PARD3B: variants seen among roughly 807,000 people sequenced by gnomAD.
PARD3B encodes par-3 family cell polarity regulator beta, also known as partitioning defective 3 homolog B.
Under a neutral mutation model 130.2 loss-of-function variants are expected in PARD3B, and 103 were observed. The observed-to-expected ratio is 0.79, with a 90% CI of 0.67 to 0.93. The LOEUF is 0.93. PARD3B is among the 40% of genes least tolerant of loss of function. PARD3B has a pLI of 0.00. For synonymous variants in PARD3B, 583 were observed against 553.2 expected (o/e 1.05, Z -0.76); for missense variants, 1,609 against 1,499.2 (o/e 1.07, Z -1.21).
intron 13 of PARD3B, among the ~76,000 whole-genome samples, chr2:205,184,773 C>T (rs1177836331): frequency 2.0e-5 from 3 of 151,346 alleles, no homozygotes; most frequent in South Asian, 4.2e-4. Context: ...TATATACACA[C>T]ACACACACAT....
intron 2 of PARD3B, among the ~76,000 whole-genome samples, chr2:204,850,807 T>C (rs148113469): frequency 6.6e-6 from 1 of 152,344 alleles, no homozygotes; most frequent in East Asian, 1.9e-4. Context: ...GTATCTTTTA[T>C]GTTTTTGCAT....
At chr2:204,676,719 G>C (rs2036565555) in intron 1 of PARD3B, among the ~76,000 whole-genome samples, 1 of 148,504 alleles carries the variant, frequency 6.7e-6, no homozygotes, top group Non-Finnish European at 1.5e-5. Flanking sequence ...ACCCAGGCTG[G>C]AGTGCAGTGG....
chr2:204,983,848 A>T (rs1215197294), intron 3 of PARD3B, among the ~76,000 whole-genome samples: 1 of 152,186 alleles, frequency 6.6e-6, no homozygotes, highest in African/African-American at 2.4e-5. Context: ...TATTTGTCCA[A>T]TTCAGTATAT....
chr2:205,475,095 G>A (rs114285747), intron 20 of PARD3B, among the ~76,000 whole-genome samples: 33 of 152,182 alleles, frequency 2.2e-4, no homozygotes, highest in African/African-American at 6.7e-4. Flanking sequence ...GAATGATTAT[G>A]CACCCAGGTC....
At chr2:204,671,451 GAT>G (rs1300264237) in intron 1 of PARD3B, among the ~76,000 whole-genome samples, 1 of 152,118 alleles carries the variant, frequency 6.6e-6, no homozygotes, top group Non-Finnish European at 1.5e-5. Context: ...TACTTTTCAT[GAT>G]ACCTGGGGTC....
At chr2:204,795,683 A>C (rs981775480) in intron 2 of PARD3B, among the ~76,000 whole-genome samples, 1 of 152,218 alleles carries the variant, frequency 6.6e-6, no homozygotes, top group African/African-American at 2.4e-5. Context: ...TGAGCCTGCC[A>C]AGCAACACAT....
intron 19 of PARD3B, among the ~76,000 whole-genome samples, chr2:205,436,556 T>C (rs1451965036): frequency 6.6e-6 from 1 of 152,146 alleles, no homozygotes; most frequent in African/African-American, 2.4e-5. Context: ...ATTAAATTTA[T>C]ATTATCTTCT....
intron 18 of PARD3B, among the ~76,000 whole-genome samples, chr2:205,308,301 G>C (rs2042252006): frequency 6.6e-6 from 1 of 151,984 alleles, no homozygotes; most frequent in South Asian, 2.1e-4. Flanking sequence ...AGTTCATTGT[G>C]GTGAGATTAA....
intron 15 of PARD3B, among the ~76,000 whole-genome samples, chr2:205,245,500 A>G (rs1221553618): frequency 6.6e-6 from 1 of 152,240 alleles, no homozygotes; most frequent in South Asian, 2.1e-4. Context: ...AATGTGGAAG[A>G]AACAACCCAG....
intron 2 of PARD3B, among the ~76,000 whole-genome samples, chr2:204,821,251 A>G (rs959114199): frequency 2.0e-5 from 3 of 152,264 alleles, no homozygotes; most frequent in African/African-American, 7.2e-5. Context: ...TCTCTTTGAT[A>G]GTGAATAAGT....
chr2:204,616,926 G>A (rs1278510961), intron 1 of PARD3B, among the ~76,000 whole-genome samples: 1 of 152,132 alleles, frequency 6.6e-6, no homozygotes, highest in East Asian at 1.9e-4. Flanking sequence ...TGCAGTATGT[G>A]TTAAGTTCTT....
chr2:204,944,892 C>T (rs1381225122), intron 2 of PARD3B, among the ~76,000 whole-genome samples: 1 of 152,176 alleles, frequency 6.6e-6, no homozygotes, highest in Non-Finnish European at 1.5e-5. Context: ...ACTTCCATTG[C>T]CCACAAATTT....
At position 205,592,418 on chromosome 2, in the gene PARD3B, G is replaced by C. The variant is rs1011484555; in HGVS notation, c.3261-23038G>C. ...GAAAACCCCTTCTTTCCCACAACAG[G>C]AATCTCCAGCGAACATCCACTAATA... On this transcript the variant is annotated intron_variant, in intron 22 of 22. Coordinates refer to ENST00000406610, the MANE Select transcript of PARD3B (RefSeq NM_001302769.2). This position sits in a 1 kb window ranked among gnomAD's most constrained non-coding sequence, Gnocchi z 4.5. Among the ~76,000 whole-genome samples, 2 of 152,100 alleles carry C rather than the reference G, an allele frequency of 1.3e-5. No individual in the cohort carries two copies. Among genetic ancestry groups the C allele is most frequent in the Non-Finnish European group, 2.9e-5 (2 of 68,026 alleles).
At chr2:205,051,469 A>G (rs942871985) in intron 4 of PARD3B, among the ~76,000 whole-genome samples, 1 of 152,188 alleles carries the variant, frequency 6.6e-6, no homozygotes, top group Non-Finnish European at 1.5e-5. Flanking sequence ...TTCCCAAGAA[A>G]TGAAACTTAC....
At chr2:204,665,383 C>T (rs1033993785) in intron 1 of PARD3B, among the ~76,000 whole-genome samples, 1 of 152,088 alleles carries the variant, frequency 6.6e-6, no homozygotes, top group Non-Finnish European at 1.5e-5. Flanking sequence ...TGGTGTGGCT[C>T]TTCTGTGGCA....
rs1232178775 is a variant in PARD3B at position 204,622,009 on chromosome 2, AG to A, written c.121-64167del. On this transcript the variant is annotated intron_variant, in intron 1 of 22. Coordinates refer to ENST00000406610, the MANE Select transcript of PARD3B (RefSeq NM_001302769.2). ...TGACATAGGTCTAGTATTTCTTTCA[AG>A]GGGGTGAGGGGCAGAGGGTAAAGAG... Among the ~76,000 whole-genome samples the A allele has an allele frequency of 2.6e-5, 4 of 152,118 alleles. 1 individual carries two copies. The highest frequency in any genetic ancestry group is 2.6e-4 in the Admixed American group (4 of 15,244).
At position 205,121,602 on chromosome 2, in the gene PARD3B, T is replaced by C; in HGVS notation, c.818T>C (p.Val273Ala). The C allele has an allele frequency of 6.2e-7, 1 of 1,612,544 alleles. No homozygotes were observed. Among genetic ancestry groups the C allele is most frequent in the Non-Finnish European group, 8.5e-7 (1 of 1,178,658 alleles). Residue 273 changes from valine to alanine, a missense_variant, in exon 8 of 23, where the codon GTC (valine) becomes GCC (alanine). Physicochemically the swap from Val to Ala is moderately conservative, Grantham distance 64. Transcript: ENST00000406610. The surrounding 1 kb of genome is among the most constrained non-coding windows in gnomAD (Gnocchi z 5.0). ...AACTTTCTTTCCAGGGCTCAAGATG[T>C]CTTCCGCCAGGCAATGAAATCTCCA... ...VDKTFAQAQD[V>A]FRQAMKSPSV...
chr2:204,888,292 GT>G (rs1232076721), intron 2 of PARD3B, among the ~76,000 whole-genome samples: 5 of 152,198 alleles, frequency 3.3e-5, no homozygotes. Flanking sequence ...GCAAGTGACA[GT>G]GATGCAGAGT....
chr2:205,101,131 CA>C (rs1471695978), intron 4 of PARD3B, among the ~76,000 whole-genome samples: 1 of 152,034 alleles, frequency 6.6e-6, no homozygotes, highest in East Asian at 1.9e-4. Flanking sequence ...GAACTCTCTA[CA>C]GGTCAATAAT....
Sources: allele counts gnomAD v4.1 joint callset (sites outside exome capture counted in the v4.1 genomes callset), GRCh38; gene constraint gnomAD v4.1.1; non-coding constraint Gnocchi (gnomAD v3.1); transcripts MANE v1.5; gene names NCBI Gene and HGNC (gene_info 2026-07-23, HGNC 2026-07-21).